CEP128: variants seen among roughly 807,000 people sequenced by gnomAD.
CEP128 encodes the protein centrosomal protein 128.
Under a neutral mutation model 156.7 loss-of-function variants are expected in CEP128, and 132 were observed. The observed-to-expected ratio is 0.84, with a 90% CI of 0.73 to 0.97. CEP128 has a LOEUF of 0.97. Among genes scored for constraint, CEP128 ranks in the 50% least tolerant of loss-of-function variants. CEP128 has a pLI of 0.00. For synonymous variants in CEP128, 469 were observed against 448.9 expected, an observed-to-expected ratio of 1.04 and a Z score of -0.57; for missense variants, 1,252 against 1,281.9, an observed-to-expected ratio of 0.98 and a Z score of 0.36.
At chr14:80,803,585 C>A (rs1884001053) in intron 13 of CEP128, among the ~76,000 whole-genome samples, 1 of 152,036 alleles carries the variant, frequency 6.6e-6, no homozygotes, top group Non-Finnish European at 1.5e-5. Flanking sequence ...GATCAAAGTT[C>A]CCTTAATACC....
chr14:80,624,877 C>A (rs555227126), intron 19 of CEP128, among the ~76,000 whole-genome samples: 1 of 152,290 alleles, frequency 6.6e-6, no homozygotes, highest in East Asian at 1.9e-4. Context: ...TATGTCTTCA[C>A]TCTGTTGATT....
At position 80,792,994 on chromosome 14, in the gene CEP128, A is replaced by G. The variant is rs368427364; in HGVS notation, c.1326T>C (p.Leu442=). The part of the protein sequence containing the change: ...TCEAERKHAD[L]QISELTRHAE... The stretch of plus-strand genomic sequence containing the variant: ...CATGGCGAGTCAGCTCTGAGATCTG[A>G]AGGTCAGCATGCTTACGCTCGGCCT... The change falls in exon 14 of 25, where the codon CTT becomes CTC. Residue 442 remains leucine, a synonymous_variant. Transcript: ENST00000555265. The G allele has an allele frequency of 6.2e-7, 1 of 1,614,152 alleles. No individual in the cohort carries two copies. The highest frequency in any genetic ancestry group is 8.5e-7 in the Non-Finnish European group (1 of 1,180,022).
chr14:80,881,812 G>A (rs1350107797), intron 8 of CEP128, among the ~76,000 whole-genome samples: 1 of 152,004 alleles, frequency 6.6e-6, no homozygotes, highest in South Asian at 2.1e-4. Context: ...CAGAATGCAG[G>A]ACAAAACTAT....
intron 18 of CEP128, 137 bp from the exon 19 acceptor site, chr14:80,743,404 C>T: frequency 1.5e-6 from 1 of 654,342 alleles, no homozygotes; most frequent in Non-Finnish European, 2.6e-6. Context: ...TTTAAAATAT[C>T]CATGTTTAAT....
rs76891536 is a variant in CEP128, at chr14:80,936,621, A to C, written c.-16+2764T>G. 9.9e-3 allele frequency among the ~76,000 whole-genome samples: 1,506 copies of C among 152,296 alleles called. 34 individuals carry two copies. The highest frequency in any genetic ancestry group is 0.034 in the African/African-American group (1,426 of 41,566). On this transcript the variant is annotated intron_variant, in intron 2 of 24. Coordinates refer to ENST00000555265, the MANE Select transcript of CEP128 (RefSeq NM_152446.5). The stretch of plus-strand genomic sequence containing the variant: ...ACAAGATACCAGAAACAAGCTTTAA[A>C]AACTAAAAGAAAAACTCACAAAAAT...
intron 19 of CEP128, among the ~76,000 whole-genome samples, chr14:80,671,866 T>C (rs1289730009): frequency 1.6e-5 from 2 of 122,664 alleles, no homozygotes; most frequent in Non-Finnish European, 3.3e-5. Context: ...GTTTTTTGTG[T>C]ATGGGGGGGT....
chr14:80,819,432 GA>G (rs751454189), intron 13 of CEP128, among the ~76,000 whole-genome samples: 4 of 151,848 alleles, frequency 2.6e-5, no homozygotes, highest in Admixed American at 1.3e-4. Flanking sequence ...AATTTTAGTA[GA>G]GACGGGGTTT....
intron 18 of CEP128, among the ~76,000 whole-genome samples, chr14:80,750,272 G>A (rs1214679266): frequency 6.6e-6 from 1 of 152,172 alleles, no homozygotes; most frequent in Non-Finnish European, 1.5e-5. Context: ...TTTCCCCCAT[G>A]TTGGAAATGA....
intron 9 of CEP128, 84 bp from the exon 10 acceptor site, chr14:80,840,852 C>T: frequency 1.2e-6 from 1 of 807,084 alleles, no homozygotes; most frequent in Non-Finnish European, 2.1e-6. Context: ...TGTATTAGGG[C>T]TGAAGAAGAC....
intron 19 of CEP128, among the ~76,000 whole-genome samples, chr14:80,641,925 T>TA (rs1176911472): frequency 1.3e-5 from 2 of 151,352 alleles, no homozygotes; most frequent in African/African-American, 4.9e-5. Context: ...CCATCTCTAC[T>TA]AAAAAATATA....
At chr14:80,863,154 G>A (rs746159650) in intron 8 of CEP128, among the ~76,000 whole-genome samples, 4 of 152,174 alleles carry the variant, frequency 2.6e-5, no homozygotes, top group Non-Finnish European at 5.9e-5. Context: ...GTAGATCAGA[G>A]TTAAAAGTAA....
At chr14:80,602,627 G>C (rs1181982649) in intron 19 of CEP128, among the ~76,000 whole-genome samples, 1 of 152,058 alleles carries the variant, frequency 6.6e-6, no homozygotes. Flanking sequence ...AAAATAATTA[G>C]CCAGGCATGG....
intron 19 of CEP128, among the ~76,000 whole-genome samples, chr14:80,729,058 GGTGTGTGTGTGTGTGTGTGT>G (rs559470308): frequency 2.4e-4 from 25 of 105,054 alleles, no homozygotes; most frequent in Admixed American, 5.0e-4. Flanking sequence ...GGCTGGTGGG[GGTGTGTGTGTGTGTGTGTGT>G]GTGTGTGTGT....
At chr14:80,539,134 G>C (rs1050780220) in intron 21 of CEP128, among the ~76,000 whole-genome samples, 1 of 152,196 alleles carries the variant, frequency 6.6e-6, no homozygotes, top group African/African-American at 2.4e-5. Flanking sequence ...TTCTAGAGGT[G>C]AAAAGGTAAA....
At chr14:80,581,893 C>T (rs1035638733) in intron 19 of CEP128, among the ~76,000 whole-genome samples, 6 of 152,230 alleles carry the variant, frequency 3.9e-5, no homozygotes, top group Non-Finnish European at 7.3e-5. Context: ...CCATGCACAT[C>T]TGCTTCACTT....
At position 80,534,110 on chromosome 14, in the gene CEP128, TA is replaced by T. The variant is rs757912383; in HGVS notation, c.2881-3225del. ...GTCTCATAATTTCATGATTAAGTGATATTTTTTGGGAGAAAAATGTATTTTC... is the reference window on the plus strand; with the variant it reads ...GTCTCATAATTTCATGATTAAGTGATTTTTTTGGGAGAAAAATGTATTTTC... On this transcript the variant is annotated intron_variant, in intron 21 of 24. Coordinates refer to ENST00000555265, the MANE Select transcript of CEP128 (RefSeq NM_152446.5). 1.4e-4 allele frequency among the ~76,000 whole-genome samples: 21 copies of T among 152,202 alleles called. No homozygotes were observed. The South Asian group carries it at 3.5e-3, about 26-fold the overall frequency.
intron 23 of CEP128, among the ~76,000 whole-genome samples, chr14:80,517,110 T>TC (rs1197670151): frequency 6.6e-6 from 1 of 152,126 alleles, no homozygotes; most frequent in Non-Finnish European, 1.5e-5. Context: ...TTCCTAATAT[T>TC]GGCCATTTGT....
At chr14:80,788,288 C>CCT (rs1555347626) in intron 14 of CEP128, among the ~76,000 whole-genome samples, 1 of 97,256 alleles carries the variant, frequency 1.0e-5, no homozygotes, top group Non-Finnish European at 1.9e-5. Context: ...TGGCCAGGAT[C>CCT]TTTTTTTTTT....
intron 19 of CEP128, among the ~76,000 whole-genome samples, chr14:80,618,400 T>G (rs1279995566): frequency 6.6e-6 from 1 of 152,224 alleles, no homozygotes; most frequent in Non-Finnish European, 1.5e-5. Context: ...ATGAACAATT[T>G]AGCTAAGGCC....
Sources: gnomAD v4.1 joint callset for allele counts (sites outside exome capture counted in the v4.1 genomes callset) on GRCh38, gnomAD v4.1.1 for gene constraint, MANE v1.5 for transcripts, NCBI Gene and HGNC (gene_info 2026-07-23, HGNC 2026-07-21) for gene names.